C10orf90: variants seen among roughly 807,000 people sequenced by gnomAD.
C10orf90 encodes (E2-independent) E3 ubiquitin-conjugating enzyme FATS.
Under a neutral mutation model 62.5 loss-of-function variants are expected in C10orf90, and 56 were observed. The observed-to-expected ratio is 0.90, with a 90% CI of 0.72 to 1.12. C10orf90 has a LOEUF of 1.12. Ranked by LOEUF, C10orf90 falls within the 50% of genes most tolerant of loss-of-function variation. The probability of loss-of-function intolerance (pLI) is 0.00; values close to 1 mark genes in which losing one functional copy is unlikely to be tolerated. For missense variants in C10orf90, 970 were observed against 880.4 expected, an observed-to-expected ratio of 1.10 and a Z score of -1.29; for synonymous variants, 386 against 340.4, an observed-to-expected ratio of 1.13 and a Z score of -1.47.
At chr10:126,557,242 G>A (rs978103936) in intron 2 of C10orf90, among the ~76,000 whole-genome samples, 1 of 152,046 alleles carries the variant, frequency 6.6e-6, no homozygotes, top group African/African-American at 2.4e-5. Flanking sequence ...AGCACTTTGG[G>A]AGGCTGAGGC....
chr10:126,634,600 TCTA>T (rs925966306), intron 2 of C10orf90, among the ~76,000 whole-genome samples: 2 of 151,994 alleles, frequency 1.3e-5, no homozygotes, highest in African/African-American at 4.8e-5. Context: ...TTAAAAAAAA[TCTA>T]CTAAGAGGGT....
intron 2 of C10orf90, among the ~76,000 whole-genome samples, chr10:126,585,629 G>C (rs1365458593): frequency 6.6e-6 from 1 of 152,164 alleles, no homozygotes; most frequent in Non-Finnish European, 1.5e-5. Flanking sequence ...AGTGGGAAAT[G>C]AGGAAGGGTA....
intron 7 of C10orf90, among the ~76,000 whole-genome samples, chr10:126,447,890 G>A (rs544383291): frequency 1.7e-3 from 262 of 151,972 alleles, no homozygotes; most frequent in Admixed American, 2.6e-3. Flanking sequence ...CTCTGTTTCC[G>A]GGTTGGAGTG....
chr10:126,645,906 G>A (rs998678670), intron 2 of C10orf90, among the ~76,000 whole-genome samples: 5 of 152,106 alleles, frequency 3.3e-5, no homozygotes, highest in African/African-American at 4.8e-5. Context: ...TTAAAATGAG[G>A]ATTAAGAAAT....
Position 126,504,536 on chromosome 10 carries a change from A to G in C10orf90, c.955T>C (p.Tyr319His). 1.2e-6 allele frequency: 2 copies of G among 1,614,196 alleles called. No homozygotes were observed. Among genetic ancestry groups the G allele is most frequent in the South Asian group, 1.1e-5 (1 of 91,088 alleles). Residue 319 changes from tyrosine (Y) to histidine (H), a missense_variant, in exon 4 of 10, where the codon TAC becomes CAC. Physicochemically the swap from Tyr to His is moderately conservative, Grantham distance 83. Coordinates refer to ENST00000488181, the MANE Select transcript of C10orf90 (RefSeq NM_001350921.2). This position sits in a 1 kb window ranked among gnomAD's most constrained non-coding sequence, Gnocchi z 4.1. ...AHTGLCERRK[Y>H]WVTHADDKET... ...TTGTCGTCTGCATGGGTGACCCAGT[A>G]CTTGCGTCTCTCACACAACCCAGTG...
At chr10:126,601,952 C>T (rs776284441) in intron 2 of C10orf90, among the ~76,000 whole-genome samples, 8 of 152,354 alleles carry the variant, frequency 5.3e-5, no homozygotes, top group Admixed American at 1.3e-4. Context: ...CTAAATGCTG[C>T]GACTGTCCTA....
chr10:126,464,467 C>T (rs188178327), intron 5 of C10orf90, among the ~76,000 whole-genome samples: 1 of 152,276 alleles, frequency 6.6e-6, no homozygotes, highest in Admixed American at 6.5e-5. Context: ...GGAGTACTGG[C>T]CTTGCCCACA....
intron 2 of C10orf90, among the ~76,000 whole-genome samples, chr10:126,521,112 T>C (rs946402311): frequency 6.6e-6 from 1 of 152,198 alleles, no homozygotes; most frequent in Non-Finnish European, 1.5e-5. Flanking sequence ...TTTCATGCTG[T>C]TGTGTAATGA....
At chr10:126,445,826 T>TATATATATGTAC (rs57867349) in intron 7 of C10orf90, among the ~76,000 whole-genome samples, 1 of 144,768 alleles carries the variant, frequency 6.9e-6, no homozygotes, top group African/African-American at 2.6e-5. Context: ...TATATATATA[T>TATATATATGTAC]ACAATGGAAT....
chr10:126,509,330 T>C (rs1862955712), intron 3 of C10orf90, among the ~76,000 whole-genome samples: 1 of 152,138 alleles, frequency 6.6e-6, no homozygotes, highest in East Asian at 1.9e-4. Context: ...TGTGATGTAA[T>C]TCTCCAGTAC....
chr10:126,511,355 AACTTG>A (rs1228501868), intron 3 of C10orf90, among the ~76,000 whole-genome samples: 22 of 152,204 alleles, frequency 1.4e-4, no homozygotes, highest in Non-Finnish European at 1.5e-5. Context: ...CCCAATTTTT[AACTTG>A]TGGTAAGATA....
intron 2 of C10orf90, among the ~76,000 whole-genome samples, chr10:126,563,645 T>A (rs1864954505): frequency 6.6e-6 from 1 of 152,158 alleles, no homozygotes; most frequent in African/African-American, 2.4e-5. Flanking sequence ...TGAGCAAATA[T>A]CCTGTCTGCC....
At chr10:126,508,767 T>C (rs905417629) in intron 3 of C10orf90, among the ~76,000 whole-genome samples, 5 of 152,014 alleles carry the variant, frequency 3.3e-5, no homozygotes, top group Non-Finnish European at 7.4e-5. Flanking sequence ...ACAGGGGTGG[T>C]TCTCGGGCGG....
intron 4 of C10orf90, among the ~76,000 whole-genome samples, chr10:126,480,022 GT>G (rs1263171907): frequency 3.3e-5 from 5 of 152,222 alleles, no homozygotes; most frequent in African/African-American, 9.6e-5. Flanking sequence ...ATACTGAAAG[GT>G]TTTTATTGGC....
chr10:126,579,878 CA>C (rs1844710130), intron 2 of C10orf90, among the ~76,000 whole-genome samples: 1 of 152,148 alleles, frequency 6.6e-6, no homozygotes, highest in Non-Finnish European at 1.5e-5. Flanking sequence ...GGATTATTAT[CA>C]TTCCCATTTC....
intron 2 of C10orf90, among the ~76,000 whole-genome samples, chr10:126,535,299 C>T (rs1281968565): frequency 1.3e-5 from 2 of 151,912 alleles, no homozygotes; most frequent in Non-Finnish European, 2.9e-5. Context: ...AGGCGGATCA[C>T]GAGGTCAGGA....
intron 2 of C10orf90, among the ~76,000 whole-genome samples, chr10:126,517,543 AC>A (rs1863503227): frequency 6.6e-6 from 1 of 152,110 alleles, no homozygotes; most frequent in Non-Finnish European, 1.5e-5. Context: ...TGGGAGAGTG[AC>A]TGACAATGGC....
At chr10:126,479,407 A>G (rs183378848) in intron 4 of C10orf90, among the ~76,000 whole-genome samples, 6 of 152,326 alleles carry the variant, frequency 3.9e-5, no homozygotes, top group African/African-American at 1.4e-4. Flanking sequence ...GCTCAGTCCA[A>G]ATGGCATGGG....
At chr10:126,515,923 G>A (rs1863415800) in intron 2 of C10orf90, among the ~76,000 whole-genome samples, 1 of 152,192 alleles carries the variant, frequency 6.6e-6, no homozygotes, top group Admixed American at 6.5e-5. Context: ...CCAAGATGAC[G>A]TGCACAGATT....
Sources: gnomAD v4.1 joint callset for allele counts (sites outside exome capture counted in the v4.1 genomes callset) on GRCh38, gnomAD v4.1.1 for gene constraint, Gnocchi (gnomAD v3.1) non-coding constraint, MANE v1.5 for transcripts, NCBI Gene and HGNC (gene_info 2026-07-23, HGNC 2026-07-21) for gene names.